SUCLA2: variants seen among roughly 807,000 people sequenced by gnomAD.
SUCLA2 encodes succinate-CoA ligase ADP-forming subunit beta.
In SUCLA2, 30 loss-of-function variants were observed where a neutral mutation model predicts 54.8. That is an observed-to-expected ratio of 0.55 (90% CI 0.41 to 0.74). The LOEUF (loss-of-function observed/expected upper bound fraction) is 0.74. Among genes scored for constraint, SUCLA2 ranks in the 30% least tolerant of loss-of-function variants. The probability of loss-of-function intolerance (pLI) is 0.00; values close to 1 mark genes in which losing one functional copy is unlikely to be tolerated. For missense variants in SUCLA2, 476 were observed against 562.9 expected, an observed-to-expected ratio of 0.85 and a Z score of 1.56; for synonymous variants, 172 against 188.9, an observed-to-expected ratio of 0.91 and a Z score of 0.74.
At chr13:47,994,771 C>A in intron 2 of SUCLA2, 1 of 945,476 alleles carries the variant, frequency 1.1e-6, no homozygotes, top group Non-Finnish European at 1.3e-6. Context: ...GGTATCTGTT[C>A]CAAGGGGCTC....
At chr13:47,994,071 AAG>A (rs1950172263) in intron 2 of SUCLA2, among the ~76,000 whole-genome samples, 2 of 151,686 alleles carry the variant, frequency 1.3e-5, no homozygotes, top group African/African-American at 2.4e-5. Context: ...AAAAAAAAAA[AAG>A]AGTTTTTATG....
At chr13:47,981,954 C>T (rs1226727175) in intron 4 of SUCLA2, among the ~76,000 whole-genome samples, 1 of 152,130 alleles carries the variant, frequency 6.6e-6, no homozygotes, top group Non-Finnish European at 1.5e-5. Context: ...TACTGCACTC[C>T]AGCCTGGGAG....
In SUCLA2 at chr13:47,943,040, G is replaced by A. The variant is rs776688171; in HGVS notation, c.*331C>T. ...CACTAAAGAATAAAGCTTTATCTTC[G>A]TATTTATCTTATTTATAGGACTCTT... is the stretch of plus-strand genomic sequence containing the variant. On this transcript the variant is annotated 3_prime_UTR_variant, in exon 11 of 11. Coordinates refer to ENST00000646932, the MANE Select transcript of SUCLA2 (RefSeq NM_003850.3). 4.7e-5 allele frequency: 14 copies of A among 296,068 alleles called. No individual in the cohort carries two copies. Among genetic ancestry groups the A allele is most frequent in the African/African-American group, 1.5e-4 (7 of 45,748 alleles). The allele number at this position is 296,068 out of a possible 1,614,324, so 18.3% of individuals were successfully genotyped here.
intron 1 of SUCLA2, 48 bp downstream of exon 1, chr13:48,001,132 C>A: frequency 6.4e-7 from 1 of 1,570,448 alleles, no homozygotes; most frequent in South Asian, 1.2e-5. Flanking sequence ...CACACCTCAC[C>A]CTTTCTCCTG....
chr13:48,000,891 T>G, intron 1 of SUCLA2: 2 of 1,303,026 alleles, frequency 1.5e-6, no homozygotes, highest in Non-Finnish European at 2.0e-6. Flanking sequence ...CCCCCTCACC[T>G]CCACTCAGAG....
intron 10 of SUCLA2, among the ~76,000 whole-genome samples, chr13:47,948,148 TG>T (rs1481657277): frequency 6.6e-6 from 1 of 152,192 alleles, no homozygotes; most frequent in Non-Finnish European, 1.5e-5. Flanking sequence ...ATATAATGTC[TG>T]GGATTTGCTT....
At chr13:47,990,320 C>T (rs1270890765) in intron 2 of SUCLA2, among the ~76,000 whole-genome samples, 1 of 152,128 alleles carries the variant, frequency 6.6e-6, no homozygotes, top group Non-Finnish European at 1.5e-5. Context: ...TGCACTCCAG[C>T]CTGGAGGACA....
At chr13:47,999,350 T>C (rs1469752260) in intron 1 of SUCLA2, among the ~76,000 whole-genome samples, 1 of 152,160 alleles carries the variant, frequency 6.6e-6, no homozygotes, top group African/African-American at 2.4e-5. Context: ...ATATCTATTT[T>C]CAACGAAGGT....
At chr13:47,959,328 A>G (rs1949847259) in intron 6 of SUCLA2, among the ~76,000 whole-genome samples, 1 of 151,894 alleles carries the variant, frequency 6.6e-6, no homozygotes, top group African/African-American at 2.4e-5. Flanking sequence ...AAGGAAGGTT[A>G]TAAAGATAAT....
chr13:47,965,727 T>C (rs1949912816), intron 6 of SUCLA2: 1 of 397,172 alleles, frequency 2.5e-6, no homozygotes, highest in Admixed American at 4.4e-5. Context: ...TTTCTCAGTA[T>C]TAAATTTCTT....
intron 6 of SUCLA2, among the ~76,000 whole-genome samples, chr13:47,957,328 C>A (rs963590698): frequency 6.6e-6 from 1 of 152,152 alleles, no homozygotes; most frequent in Non-Finnish European, 1.5e-5. Context: ...TTCTGTGTGG[C>A]GAGCAGCAGG....
rs1419922780 is a variant in SUCLA2, at chr13:47,943,762, G to GTATATATATATATATATATA, written c.1318-318_1318-317insTATATATATATATATATATA. On this transcript the variant is annotated intron_variant, in intron 10 of 10. Transcript: ENST00000646932. Reference sequence around the variant, plus strand: ...TGTATGTATGTGTGTGTGTGTGTGTGTGTGTATATATATATATATTATTCT... The same window carrying GTATATATATATATATATATA: ...TGTATGTATGTGTGTGTGTGTGTGTGTATATATATATATATATATATGTGTATATATATATATATTATTCT... 1.1e-3 allele frequency among the ~76,000 whole-genome samples: 150 copies of GTATATATATATATATATATA among 133,296 alleles called. 1 individual carries two copies. Among genetic ancestry groups the GTATATATATATATATATATA allele is most frequent in the African/African-American group, 4.1e-3 (134 of 32,936 alleles). The allele number at this position is 133,296 out of a possible 152,430, so 87.4% of individuals were successfully genotyped here. A position where few individuals can be genotyped will look rare whatever the true frequency, so the allele number is the denominator to read the frequency against.
chr13:47,966,500 C>T (rs1437771048), intron 6 of SUCLA2, among the ~76,000 whole-genome samples: 1 of 144,312 alleles, frequency 6.9e-6, no homozygotes, highest in African/African-American at 2.6e-5. Context: ...GTTAGATAGG[C>T]TGGTGCAAAA....
chr13:47,984,345 C>T (rs986372705), intron 4 of SUCLA2, among the ~76,000 whole-genome samples: 1 of 140,706 alleles, frequency 7.1e-6, no homozygotes, highest in Non-Finnish European at 1.6e-5. Context: ...AGGCACCCCC[C>T]ACCACGCCCA....
Position 47,954,576 on chromosome 13 carries a change from A to G in SUCLA2, c.803-19T>C. 6.2e-7 allele frequency: 1 copy of G among 1,612,036 alleles called. No homozygotes were observed. Among genetic ancestry groups the G allele is most frequent in the Non-Finnish European group, 8.5e-7 (1 of 1,178,438 alleles). On this transcript the variant is annotated intron_variant, in intron 6 of 10. Coordinates refer to ENST00000646932, the MANE Select transcript of SUCLA2 (RefSeq NM_003850.3). ...CACAATACTTTGAAGGGAAAAAGAGAAAAATGACCTTAATTTCAAGACAGA... is the reference window on the plus strand; with the variant it reads ...CACAATACTTTGAAGGGAAAAAGAGGAAAATGACCTTAATTTCAAGACAGA...
At chr13:47,985,185 A>G (rs974916872) in intron 4 of SUCLA2, among the ~76,000 whole-genome samples, 3 of 152,096 alleles carry the variant, frequency 2.0e-5, no homozygotes, top group Non-Finnish European at 2.9e-5. Flanking sequence ...AATAGAAGTA[A>G]TTGTTTTCTG....
At position 47,996,658 on chromosome 13, in the gene SUCLA2, CATAATA is replaced by C. The variant is rs150579065; in HGVS notation, c.271+179_271+184del. ...CCACGTCACTGGCATTATGGGTGCTCATAATAATAATAATAATAATAATTTTAGAAT... is the reference window on the plus strand; with the variant it reads ...CCACGTCACTGGCATTATGGGTGCTCATAATAATAATAATAATTTTAGAAT... On this transcript the variant is annotated intron_variant, in intron 2 of 10. Transcript: ENST00000646932. 2.1e-4 allele frequency among the ~76,000 whole-genome samples: 32 copies of C among 150,958 alleles called. 1 individual carries two copies. Among genetic ancestry groups the C allele is most frequent in the Admixed American group, 1.1e-3 (17 of 15,166 alleles).
intron 1 of SUCLA2, among the ~76,000 whole-genome samples, chr13:47,998,319 A>G (rs957494999): frequency 1.3e-5 from 2 of 151,812 alleles, no homozygotes; most frequent in African/African-American, 2.4e-5. Context: ...AAAAAGAAAA[A>G]AAAACCCAGC....
intron 8 of SUCLA2, among the ~76,000 whole-genome samples, chr13:47,949,897 GC>G (rs1450295584): frequency 6.6e-6 from 1 of 152,018 alleles, no homozygotes; most frequent in Non-Finnish European, 1.5e-5. Flanking sequence ...GTTAAATTTG[GC>G]CATTCACCAA....
Sources: allele counts gnomAD v4.1 joint callset (sites outside exome capture counted in the v4.1 genomes callset), GRCh38; gene constraint gnomAD v4.1.1; transcripts MANE v1.5; gene names NCBI Gene and HGNC (gene_info 2026-07-23, HGNC 2026-07-21).